The following JAZF1 variants were observed in gnomAD, a reference collection of about 807,000 sequenced individuals.
JAZF1 encodes the protein juxtaposed with another zinc finger protein 1.
In JAZF1, 8 loss-of-function variants were observed where a neutral mutation model predicts 26.4. That is an observed-to-expected ratio of 0.30 (90% CI 0.18 to 0.55). The LOEUF is 0.55. JAZF1 is among the 20% of genes least tolerant of loss of function. The probability of loss-of-function intolerance (pLI) is 0.94; values close to 1 mark genes in which losing one functional copy is unlikely to be tolerated. For missense variants in JAZF1, 199 were observed against 322.0 expected (o/e 0.62, Z 2.92); for synonymous variants, 126 against 122.3 (o/e 1.03, Z -0.20).
At chr7:28,045,638 A>T (rs1406118646) in intron 1 of JAZF1, among the ~76,000 whole-genome samples, 2 of 152,140 alleles carry the variant, frequency 1.3e-5, no homozygotes, top group African/African-American at 4.8e-5. Context: ...GTATAGTGAC[A>T]TGCTCATAGC....
At position 28,140,206 on chromosome 7, in the gene JAZF1, C is replaced by T. The variant is rs367812129; in HGVS notation, c.115+40257G>A. Reference sequence around the variant, plus strand: ...CCAGCAATTCTCCTGCCTCAGCCTCCTGAGTAGCTGGGATTACAGGCGCCC... The same window carrying T: ...CCAGCAATTCTCCTGCCTCAGCCTCTTGAGTAGCTGGGATTACAGGCGCCC... On this transcript the variant is annotated intron_variant, in intron 1 of 4. Transcript: ENST00000283928. Among the ~76,000 whole-genome samples the T allele has an allele frequency of 7.3e-4, 111 of 151,928 alleles. 2 individuals carry two copies. Among genetic ancestry groups the T allele is most frequent in the African/African-American group, 2.5e-3 (102 of 41,420 alleles).
chr7:27,927,462 C>G (rs2128349227), intron 2 of JAZF1, among the ~76,000 whole-genome samples: 1 of 152,222 alleles, frequency 6.6e-6, no homozygotes, highest in African/African-American at 2.4e-5. Context: ...GTATCTTCAT[C>G]TGTAAAATGA....
intron 2 of JAZF1, among the ~76,000 whole-genome samples, chr7:27,972,374 A>G (rs756561215): frequency 1.1e-4 from 16 of 152,234 alleles, no homozygotes; most frequent in Non-Finnish European, 2.1e-4. Context: ...GACTTGGAGC[A>G]GGCCTGAGCT....
At chr7:27,895,077 T>A in intron 3 of JAZF1, 143 bp downstream of exon 3, 3 of 435,694 alleles carry the variant, frequency 6.9e-6, no homozygotes, top group Non-Finnish European at 1.2e-5. Flanking sequence ...AATTTATCAA[T>A]ATGTAGACTA....
intron 3 of JAZF1, among the ~76,000 whole-genome samples, chr7:27,850,567 G>A (rs1783125898): frequency 6.6e-6 from 1 of 152,226 alleles, no homozygotes; most frequent in African/African-American, 2.4e-5. Context: ...GGAACCACAA[G>A]GAGCCACTGG....
chr7:28,071,607 C>G, intron 1 of JAZF1: 1 of 471,808 alleles, frequency 2.1e-6, no homozygotes, highest in South Asian at 1.5e-5. Context: ...TCAGTGAAAC[C>G]TTTCACTTAC....
In JAZF1 at chr7:28,072,035, C is replaced by A. The variant is rs538552398; in HGVS notation, c.116-80054G>T. Among the ~76,000 whole-genome samples, 153 of 152,330 alleles carry A rather than the reference C, an allele frequency of 1.0e-3. 1 individual carries two copies. The highest frequency in any genetic ancestry group is 1.6e-3 in the Non-Finnish European group (107 of 68,032). On this transcript the variant is annotated intron_variant, in intron 1 of 4. Transcript: ENST00000283928. ...GTCTGGGAGACGTGTCTGAATCAAA[C>A]ACGTCTTCTGTTCTAAAATCCATCA...
intron 2 of JAZF1, among the ~76,000 whole-genome samples, chr7:27,933,960 C>T (rs980851626): frequency 6.6e-6 from 1 of 152,182 alleles, no homozygotes; most frequent in Non-Finnish European, 1.5e-5. Context: ...GGTTTCTTAA[C>T]AGAAGAGGCA....
In JAZF1 at chr7:27,976,650, C is replaced by T. The variant is rs993117097; in HGVS notation, c.188+15259G>A. On this transcript the variant is annotated intron_variant, in intron 2 of 4. Transcript: ENST00000283928. Reference sequence around the variant, plus strand: ...GGAAAATAGGAAGGCATGCCTTGTACTGTAATAAATATGACTGCTCTCAGA... The same window carrying T: ...GGAAAATAGGAAGGCATGCCTTGTATTGTAATAAATATGACTGCTCTCAGA... 1.3e-4 allele frequency among the ~76,000 whole-genome samples: 19 copies of T among 151,620 alleles called. 2 individuals are homozygous for T. The highest frequency in any genetic ancestry group is 9.9e-4 in the Admixed American group (15 of 15,214).
intron 1 of JAZF1, among the ~76,000 whole-genome samples, chr7:27,992,978 G>A (rs1299938648): frequency 1.3e-5 from 2 of 152,138 alleles, no homozygotes; most frequent in East Asian, 3.9e-4. Context: ...ACTCCAAAGT[G>A]CATTAACAGG....
intron 2 of JAZF1, among the ~76,000 whole-genome samples, chr7:27,938,968 A>C (rs1368173547): frequency 6.6e-6 from 1 of 152,138 alleles, no homozygotes; most frequent in African/African-American, 2.4e-5. Flanking sequence ...AAGAACTGAA[A>C]ATACTGATTT....
intron 1 of JAZF1, among the ~76,000 whole-genome samples, chr7:28,091,324 G>A (rs1490940141): frequency 6.6e-6 from 1 of 151,780 alleles, no homozygotes. Flanking sequence ...CCTCCTAACA[G>A]TCATGTTATT....
intron 1 of JAZF1, among the ~76,000 whole-genome samples, chr7:28,171,921 T>G (rs533797262): frequency 6.6e-6 from 1 of 152,246 alleles, no homozygotes; most frequent in South Asian, 2.1e-4. Context: ...GGCCTGCAGA[T>G]TCAGACTTTT....
At chr7:28,080,429 C>T (rs908481428) in intron 1 of JAZF1, among the ~76,000 whole-genome samples, 2 of 152,174 alleles carry the variant, frequency 1.3e-5, no homozygotes, top group African/African-American at 4.8e-5. Context: ...TTTTAATTTC[C>T]CTCAAGAACT....
intron 1 of JAZF1, among the ~76,000 whole-genome samples, chr7:28,077,052 T>C (rs1325893497): frequency 2.0e-5 from 3 of 152,334 alleles, no homozygotes; most frequent in African/African-American, 4.8e-5. Context: ...TTAAAGAATG[T>C]TAAAATAAAT....
At chr7:27,963,560 C>CA (rs1212951743) in intron 2 of JAZF1, among the ~76,000 whole-genome samples, 1 of 99,258 alleles carries the variant, frequency 1.0e-5, no homozygotes, top group Non-Finnish European at 1.9e-5. Flanking sequence ...TTTGCAATTC[C>CA]CCCCCCCCCT....
chr7:28,063,658 A>T (rs1007120231), intron 1 of JAZF1, among the ~76,000 whole-genome samples: 13 of 152,168 alleles, frequency 8.5e-5, no homozygotes, highest in African/African-American at 2.4e-4. Context: ...AATTAAATCA[A>T]AATCTAAAAC....
chr7:28,178,737 T>C (rs7809473), intron 1 of JAZF1, among the ~76,000 whole-genome samples: 8,146 of 152,268 alleles, frequency 0.053, 646 homozygotes, highest in African/African-American at 0.18. Flanking sequence ...AGCAAATTGG[T>C]TGCTCCATTA....
intron 2 of JAZF1, among the ~76,000 whole-genome samples, chr7:27,914,403 CAGA>C (rs1290893274): frequency 1.3e-5 from 2 of 152,116 alleles, no homozygotes; most frequent in Non-Finnish European, 2.9e-5. Flanking sequence ...AGGCCCGAAG[CAGA>C]AGACCACTGT....
Sources: allele counts gnomAD v4.1 joint callset (sites outside exome capture counted in the v4.1 genomes callset), GRCh38; gene constraint gnomAD v4.1.1; transcripts MANE v1.5; gene names NCBI Gene and HGNC (gene_info 2026-07-23, HGNC 2026-07-21).